Variants in CSMD1 observed in about 807,000 individuals in gnomAD.
CSMD1 encodes CUB and sushi domain-containing protein 1.
Under a neutral mutation model 417.5 loss-of-function variants are expected in CSMD1, and 213 were observed. That is an observed-to-expected ratio of 0.51 (90% confidence interval 0.46 to 0.57). The LOEUF (loss-of-function observed/expected upper bound fraction) is 0.57. CSMD1 is among the 20% of genes least tolerant of loss of function. The pLI is 0.00. For missense variants in CSMD1, 6,923 were observed against 4,529.7 expected (o/e 1.53, Z -15.17); for synonymous variants, 2,862 against 1,736.8 (o/e 1.65, Z -16.11).
chr8:4,515,983 AC>A (rs1803097522), intron 2 of CSMD1, among the ~76,000 whole-genome samples: 1 of 152,140 alleles, frequency 6.6e-6, no homozygotes, highest in African/African-American at 2.4e-5. Flanking sequence ...GACAGCTGTT[AC>A]CCATTGATAA....
At chr8:4,057,376 G>C (rs1440774235) in intron 3 of CSMD1, among the ~76,000 whole-genome samples, 2 of 148,808 alleles carry the variant, frequency 1.3e-5, no homozygotes, top group Admixed American at 7.1e-5. Flanking sequence ...TTTTTGATGG[G>C]GTTATTTGTT....
intron 10 of CSMD1, among the ~76,000 whole-genome samples, chr8:3,499,639 C>T (rs1385722927): frequency 6.6e-6 from 1 of 151,892 alleles, no homozygotes; most frequent in Non-Finnish European, 1.5e-5. Flanking sequence ...TGCACTTTGG[C>T]TCCCCCTGTC....
At chr8:4,176,946 T>C (rs911952784) in intron 3 of CSMD1, among the ~76,000 whole-genome samples, 1 of 150,918 alleles carries the variant, frequency 6.6e-6, no homozygotes, top group Admixed American at 6.6e-5. Context: ...CTCAGTGACC[T>C]ACAAAGAGAC....
intron 14 of CSMD1, among the ~76,000 whole-genome samples, chr8:3,407,110 G>A (rs562635623): frequency 1.2e-3 from 180 of 152,174 alleles, no homozygotes; most frequent in African/African-American, 4.1e-3. Flanking sequence ...TGGATGGAAA[G>A]ATGAATGGAA....
At chr8:4,367,431 T>C (rs925807777) in intron 3 of CSMD1, among the ~76,000 whole-genome samples, 1 of 152,178 alleles carries the variant, frequency 6.6e-6, no homozygotes, top group African/African-American at 2.4e-5. Context: ...TCTATTTCTG[T>C]ACCAGTACCA....
intron 3 of CSMD1, among the ~76,000 whole-genome samples, chr8:4,373,973 A>G (rs546830693): frequency 6.6e-6 from 1 of 152,304 alleles, no homozygotes; most frequent in Non-Finnish European, 1.5e-5. Flanking sequence ...CTTGATATAT[A>G]CCATTAACGG....
At chr8:4,667,179 G>A (rs749000644) in intron 1 of CSMD1, among the ~76,000 whole-genome samples, 1 of 152,038 alleles carries the variant, frequency 6.6e-6, no homozygotes, top group Non-Finnish European at 1.5e-5. Flanking sequence ...AGGCCTATTT[G>A]TGGACTCTAT....
chr8:4,647,402 A>G (rs1179322245), intron 1 of CSMD1, among the ~76,000 whole-genome samples: 2 of 149,718 alleles, frequency 1.3e-5, no homozygotes, highest in Non-Finnish European at 3.0e-5. Context: ...GAGGTCTGTT[A>G]GGTAGGTACG....
chr8:3,157,997 A>G (rs770284706), intron 38 of CSMD1, 31 bp from the exon 39 acceptor site: 8 of 1,493,472 alleles, frequency 5.4e-6, no homozygotes, highest in Middle Eastern at 1.7e-4. Flanking sequence ...GAAAATACAT[A>G]TAACTAAAAA....
intron 1 of CSMD1, among the ~76,000 whole-genome samples, chr8:4,819,795 G>C (rs1156243526): frequency 6.6e-6 from 1 of 152,070 alleles, no homozygotes. Context: ...AATGCTAAGG[G>C]TGGGGCTGTT....
intron 3 of CSMD1, among the ~76,000 whole-genome samples, chr8:4,418,160 T>G (rs1343677595): frequency 1.3e-5 from 2 of 152,028 alleles, no homozygotes; most frequent in Non-Finnish European, 2.9e-5. Flanking sequence ...AGGTTTGTCT[T>G]CACTTGTCAA....
rs1446735908 is a variant in CSMD1 at position 3,708,614 on chromosome 8, TA to T, written c.932-124del. On this transcript the variant is annotated intron_variant, in intron 6 of 69. Transcript: ENST00000635120. ...CAACCCCCGAAAATGGGAAATGTTC[TA>T]AGAGGTGAATGATACCAAGTCAATG... 5.2e-5 allele frequency: 39 copies of T among 753,062 alleles called. 1 individual carries two copies. The African/African-American group carries it at 6.6e-4, about 13-fold the overall frequency. The allele number at this position is 753,062 out of a possible 1,614,324, so 46.6% of individuals were successfully genotyped here. A position where few individuals can be genotyped will look rare whatever the true frequency, so the allele number is the denominator to read the frequency against.
chr8:4,168,614 C>T (rs1026257229), intron 3 of CSMD1, among the ~76,000 whole-genome samples: 4 of 151,990 alleles, frequency 2.6e-5, no homozygotes, highest in African/African-American at 4.8e-5. Flanking sequence ...AACATGTGTG[C>T]AAGATGAACA....
chr8:4,653,721 T>C (rs1320177221), intron 1 of CSMD1, among the ~76,000 whole-genome samples: 2 of 151,918 alleles, frequency 1.3e-5, no homozygotes, highest in Admixed American at 6.5e-5. Context: ...GAAAAGGAAA[T>C]GTTGGAGGAA....
chr8:3,942,617 G>A (rs943826552), intron 5 of CSMD1, among the ~76,000 whole-genome samples: 1 of 152,142 alleles, frequency 6.6e-6, no homozygotes, highest in Non-Finnish European at 1.5e-5. Flanking sequence ...CATTGGTCCG[G>A]CCATTCTACT....
rs184662602 is a variant in CSMD1 at position 4,441,487 on chromosome 8, G to T, written c.303-21422C>A. On this transcript the variant is annotated intron_variant, in intron 2 of 69. Transcript: ENST00000635120. ...TGTTTTATTAGGAGTTAGACATAAG[G>T]TATTTTACAGAGAGAGAATGCATTA... Among the ~76,000 whole-genome samples, 11 of 151,842 alleles carry T rather than the reference G, an allele frequency of 7.2e-5. No homozygotes were observed. The East Asian group carries it at 1.9e-3, about 27-fold the overall frequency.
At chr8:3,713,017 A>C (rs1801616263) in intron 6 of CSMD1, among the ~76,000 whole-genome samples, 1 of 152,192 alleles carries the variant, frequency 6.6e-6, no homozygotes, top group Non-Finnish European at 1.5e-5. Flanking sequence ...CAAACCAAGA[A>C]GTATGTGAGG....
chr8:3,640,543 AT>A (rs1022225770), intron 7 of CSMD1, among the ~76,000 whole-genome samples: 1 of 152,114 alleles, frequency 6.6e-6, no homozygotes, highest in Non-Finnish European at 1.5e-5. Flanking sequence ...GCATAAACTC[AT>A]TTTTTTCCAC....
chr8:4,638,990 G>C (rs1158274161), intron 1 of CSMD1, among the ~76,000 whole-genome samples: 1 of 152,190 alleles, frequency 6.6e-6, no homozygotes, highest in East Asian at 1.9e-4. Context: ...CTTCCTGCAA[G>C]AACCAAGCGC....
Sources: gnomAD v4.1 joint callset for allele counts (sites outside exome capture counted in the v4.1 genomes callset) on GRCh38, gnomAD v4.1.1 for gene constraint, MANE v1.5 for transcripts, NCBI Gene and HGNC (gene_info 2026-07-23, HGNC 2026-07-21) for gene names.